WWOX: variants seen among roughly 807,000 people sequenced by gnomAD.
WWOX encodes WW domain-containing oxidoreductase.
WWOX carries 69 observed loss-of-function variants against 46.2 expected under a neutral mutation model. That is an observed-to-expected ratio of 1.49 (90% CI 1.23 to 1.82). The LOEUF (loss-of-function observed/expected upper bound fraction) is 1.82. Among genes scored for constraint, WWOX ranks in the 40% most tolerant of loss-of-function variants. The pLI, the probability that WWOX is intolerant of heterozygous loss-of-function variation, is 0.00. For synonymous variants in WWOX, 359 were observed against 202.6 expected, an observed-to-expected ratio of 1.77 and a Z score of -6.56; for missense variants, 919 against 542.6, an observed-to-expected ratio of 1.69 and a Z score of -6.89.
rs529747473 is a variant in WWOX at position 79,001,778 on chromosome 16, A to G, written c.1057-209830A>G. Among the ~76,000 whole-genome samples, 7 of 152,234 alleles carry G rather than the reference A, an allele frequency of 4.6e-5. No homozygotes were observed. In the South Asian group the frequency reaches 8.3e-4, roughly 18 times the overall value. ...GCAGTGGGAAGTTGGAGAAAGTACA[A>G]ATGAAAGCCTCTCTGCAGTGAACCT... On this transcript the variant is annotated intron_variant, in intron 8 of 8. Coordinates refer to ENST00000566780, the MANE Select transcript of WWOX (RefSeq NM_016373.4).
intron 8 of WWOX, among the ~76,000 whole-genome samples, chr16:78,734,486 T>C (rs60409336): frequency 0.24 from 36,694 of 152,082 alleles, 5,908 homozygotes; most frequent in African/African-American, 0.46. Flanking sequence ...CGGGTTGACA[T>C]TTCTAGTGAA....
At chr16:78,100,051 C>A in intron 1 of WWOX, 166 bp downstream of exon 1, 1 of 1,413,346 alleles carries the variant, frequency 7.1e-7, no homozygotes, top group South Asian at 1.6e-5. Context: ...CAGTAGGGGC[C>A]GGCCCCCTTG....
intron 8 of WWOX, among the ~76,000 whole-genome samples, chr16:79,052,483 A>G (rs9806927): frequency 0.55 from 83,901 of 152,056 alleles, 23,347 homozygotes; most frequent in African/African-American, 0.58. Context: ...ACATGCACAC[A>G]TATGTTTATT....
At chr16:79,010,547 TG>T (rs764885143) in intron 8 of WWOX, among the ~76,000 whole-genome samples, 6 of 151,988 alleles carry the variant, frequency 3.9e-5, no homozygotes, top group Non-Finnish European at 5.9e-5. Flanking sequence ...CTGTGAGGTG[TG>T]GCAAAGAAAC....
At chr16:78,914,940 C>G (rs7206881) in intron 8 of WWOX, among the ~76,000 whole-genome samples, 25,820 of 148,432 alleles carry the variant, frequency 0.17, 2,634 homozygotes, top group African/African-American at 0.28. Context: ...AGGCTGTGGT[C>G]TGGCCTGGTG....
intron 5 of WWOX, among the ~76,000 whole-genome samples, chr16:78,330,499 C>A (rs963899547): frequency 6.6e-6 from 1 of 152,022 alleles, no homozygotes; most frequent in Non-Finnish European, 1.5e-5. Context: ...TGGGTTCAAG[C>A]AATTCTCCTG....
intron 8 of WWOX, among the ~76,000 whole-genome samples, chr16:79,181,289 C>A (rs1291990166): frequency 6.6e-6 from 1 of 152,224 alleles, no homozygotes; most frequent in Non-Finnish European, 1.5e-5. Context: ...AAAATGCTTG[C>A]ATACTGCTCT....
chr16:79,020,086 A>T (rs1489909692), intron 8 of WWOX, among the ~76,000 whole-genome samples: 1 of 152,242 alleles, frequency 6.6e-6, no homozygotes, highest in East Asian at 1.9e-4. Context: ...TGCAGTGGAT[A>T]GTCACTGGAC....
chr16:78,565,902 G>A (rs945787476), intron 8 of WWOX, among the ~76,000 whole-genome samples: 15 of 103,916 alleles, frequency 1.4e-4, no homozygotes, highest in South Asian at 6.0e-4. Context: ...TTCATCCCCC[G>A]CCCCCCGCCC....
rs193074527 is a variant in WWOX at position 78,287,125 on chromosome 16, G to A, written c.517-99735G>A. 2.7e-3 allele frequency among the ~76,000 whole-genome samples: 407 copies of A among 152,292 alleles called. 1 individual carries two copies. The highest frequency in any genetic ancestry group is 9.5e-3 in the African/African-American group (397 of 41,574). ...CATTCAGAAAAACAATGTGAAATTT[G>A]TAATATGTGTCAGAACTGGCAATCA... On this transcript the variant is annotated intron_variant, in intron 5 of 8. Transcript: ENST00000566780.
At chr16:78,253,606 C>G (rs934969971) in intron 5 of WWOX, among the ~76,000 whole-genome samples, 1 of 152,136 alleles carries the variant, frequency 6.6e-6, no homozygotes, top group Non-Finnish European at 1.5e-5. Flanking sequence ...TTTCACAAAC[C>G]TGTTCAAACA....
chr16:78,371,492 T>C (rs1002526193), intron 5 of WWOX, among the ~76,000 whole-genome samples: 1 of 151,972 alleles, frequency 6.6e-6, no homozygotes, highest in Admixed American at 6.5e-5. Flanking sequence ...CTTTTAATGG[T>C]CTGTTGACCA....
At chr16:78,212,101 C>T (rs561411053) in intron 5 of WWOX, among the ~76,000 whole-genome samples, 1 of 152,296 alleles carries the variant, frequency 6.6e-6, no homozygotes, top group East Asian at 1.9e-4. Context: ...GAATGCAGGG[C>T]CGGGAACTGC....
intron 8 of WWOX, among the ~76,000 whole-genome samples, chr16:78,561,711 G>A (rs1266541779): frequency 1.3e-5 from 2 of 152,188 alleles, no homozygotes; most frequent in Non-Finnish European, 2.9e-5. Flanking sequence ...AGGATGTTAG[G>A]TAGAGCGCCT....
At chr16:78,166,080 C>T (rs1180111172) in intron 5 of WWOX, among the ~76,000 whole-genome samples, 5 of 152,012 alleles carry the variant, frequency 3.3e-5, no homozygotes, top group Non-Finnish European at 7.4e-5. Flanking sequence ...CGTTCTTGGT[C>T]CTTCTCTTGG....
intron 6 of WWOX, among the ~76,000 whole-genome samples, chr16:78,421,234 C>T (rs1041045556): frequency 9.9e-5 from 15 of 152,216 alleles, no homozygotes; most frequent in African/African-American, 3.4e-4. Context: ...GACCAAACAT[C>T]TGAAATCAAG....
At chr16:78,431,240 T>C (rs1425106193) in intron 7 of WWOX, among the ~76,000 whole-genome samples, 1 of 152,232 alleles carries the variant, frequency 6.6e-6, no homozygotes, top group Non-Finnish European at 1.5e-5. Context: ...TGTACATCCA[T>C]GCCATGGGTA....
chr16:78,412,399 T>A (rs753876580), intron 6 of WWOX, among the ~76,000 whole-genome samples: 1 of 152,138 alleles, frequency 6.6e-6, no homozygotes, highest in Non-Finnish European at 1.5e-5. Context: ...ATTCTGGAAC[T>A]TGGAAAGAAT....
intron 8 of WWOX, among the ~76,000 whole-genome samples, chr16:78,992,424 G>A (rs1398453839): frequency 3.9e-5 from 6 of 152,100 alleles, no homozygotes; most frequent in Admixed American, 2.0e-4. Context: ...CCCAGATTGC[G>A]CCTCTGCACT....
Sources: gnomAD v4.1 joint callset for allele counts (sites outside exome capture counted in the v4.1 genomes callset) on GRCh38, gnomAD v4.1.1 for gene constraint, MANE v1.5 for transcripts, NCBI Gene and HGNC (gene_info 2026-07-23, HGNC 2026-07-21) for gene names.